Variants in PLAAT4 observed in about 807,000 individuals in gnomAD.
PLAAT4 encodes HRAS-like suppressor 4.
A neutral mutation model predicts 14.1 loss-of-function variants in PLAAT4; 12 were observed. The ratio of observed to expected loss-of-function variants is 0.85; its 90% CI spans 0.54 to 1.37. The LOEUF (loss-of-function observed/expected upper bound fraction) is 1.37. Among genes scored for constraint, PLAAT4 ranks in the 40% most tolerant of loss-of-function variants. PLAAT4 has a pLI of 0.00. For missense variants in PLAAT4, 163 were observed against 211.7 expected (o/e 0.77, Z 1.43); for synonymous variants, 77 against 79.8 (o/e 0.96, Z 0.19).
At chr11:63,543,936 T>C (rs1485086451) in intron 2 of PLAAT4, among the ~76,000 whole-genome samples, 1 of 152,186 alleles carries the variant, frequency 6.6e-6, no homozygotes, top group Non-Finnish European at 1.5e-5. Flanking sequence ...CTAGGACTTT[T>C]CATAGCACAG....
chr11:63,545,602 G>C (rs1173166284), intron 3 of PLAAT4, among the ~76,000 whole-genome samples: 1 of 152,142 alleles, frequency 6.6e-6, no homozygotes, highest in African/African-American at 2.4e-5. Flanking sequence ...AAGGCATGGA[G>C]TTTAGGCTGA....
intron 1 of PLAAT4, among the ~76,000 whole-genome samples, chr11:63,537,150 A>G (rs2017277361): frequency 2.0e-5 from 3 of 152,190 alleles, no homozygotes; most frequent in Non-Finnish European, 4.4e-5. Context: ...GCCGGGTGTC[A>G]AATCTACCTC....
intron 2 of PLAAT4, among the ~76,000 whole-genome samples, chr11:63,540,974 G>A (rs1487390703): frequency 6.6e-6 from 1 of 152,078 alleles, no homozygotes; most frequent in African/African-American, 2.4e-5. Flanking sequence ...ATTGTCACTG[G>A]ACAAAAACCA....
rs2017347217 is a variant in PLAAT4, at chr11:63,544,621, G to GT, written c.120dup (p.Glu41Ter). The GT allele has an allele frequency of 6.2e-7, 1 of 1,610,656 alleles. No homozygotes were observed. The highest frequency in any genetic ancestry group is 1.1e-5 in the South Asian group (1 of 90,988). On this transcript the variant is annotated frameshift_variant and splice_region_variant, in exon 3 of 4. Coordinates refer to ENST00000255688, the MANE Select transcript of PLAAT4 (RefSeq NM_004585.5). LOFTEE classifies it high-confidence loss of function. ...CCAGTGAGAGTGCCTCTGATTGCAG[G>GT]TGAGTACCCCGGGGCTGGCTCCTCC...
intron 3 of PLAAT4, among the ~76,000 whole-genome samples, 157 bp from the exon 4 acceptor site, chr11:63,545,992 G>T (rs1348971664): frequency 6.6e-6 from 1 of 152,114 alleles, no homozygotes; most frequent in Non-Finnish European, 1.5e-5. Context: ...TCTGGGAGAG[G>T]ATTCTGAGCC....
At chr11:63,538,380 G>A in intron 1 of PLAAT4, 1 of 384,108 alleles carries the variant, frequency 2.6e-6, no homozygotes, top group Non-Finnish European at 5.2e-6. Context: ...GGGTTGTGGG[G>A]GTCACAGAGG....
At chr11:63,539,684 G>A (rs536935564) in intron 2 of PLAAT4, 60 bp downstream of exon 2, 65 of 1,325,384 alleles carry the variant, frequency 4.9e-5, no homozygotes, top group East Asian at 3.6e-4. Flanking sequence ...TGAGAGGGCC[G>A]GGCACGGTGG....
intron 3 of PLAAT4, among the ~76,000 whole-genome samples, chr11:63,545,632 G>A (rs1307891786): frequency 6.6e-6 from 1 of 152,138 alleles, no homozygotes; most frequent in Non-Finnish European, 1.5e-5. Flanking sequence ...GGAGATGGAA[G>A]TTTCCAGGCT....
intron 3 of PLAAT4, 61 bp downstream of exon 3, chr11:63,544,950 C>T (rs1407652998): frequency 6.2e-7 from 1 of 1,608,456 alleles, no homozygotes; most frequent in East Asian, 2.2e-5. Flanking sequence ...CGGGGCTGTG[C>T]AGCCAGGCGA....
At position 63,546,252 on chromosome 11, in the gene PLAAT4, C is replaced by T. The variant is rs762426234; in HGVS notation, c.491C>T (p.Ala164Val). Residue 164 changes from alanine (A) to valine (V), a missense_variant, in exon 4 of 4, where the codon GCC becomes GTC. Coordinates refer to ENST00000255688, the MANE Select transcript of PLAAT4 (RefSeq NM_004585.5). ...AGGAGATACCAAAAAAAAGCGACAG[C>T]CTGAAGCAGCCACAAAATCCTGTGT... ...AIRRYQKKAT[A>V] The T allele has an allele frequency of 1.9e-6, 3 of 1,613,838 alleles. No homozygotes were observed. Among genetic ancestry groups the T allele is most frequent in the Admixed American group, 1.7e-5 (1 of 60,014 alleles).
chr11:63,536,874 T>C lies in PLAAT4; in HGVS notation c.6T>C (p.Ala2=). M[A]SPHQEPKPGD... is the part of the protein sequence containing the mutation. Reference sequence around the variant, plus strand: ...GACCTCCTCTTGGCTTCGAGATGGCTTCGGTAAGTTTCCCAGGGCTTTGCA... The same window carrying C: ...GACCTCCTCTTGGCTTCGAGATGGCCTCGGTAAGTTTCCCAGGGCTTTGCA... The change falls in exon 1 of 4, where the codon GCT becomes GCC. Residue 2 remains alanine, a synonymous_variant. Coordinates refer to ENST00000255688, the MANE Select transcript of PLAAT4 (RefSeq NM_004585.5). The C allele has an allele frequency of 6.2e-7, 1 of 1,612,524 alleles. No homozygotes were observed. The highest frequency in any genetic ancestry group is 8.5e-7 in the Non-Finnish European group (1 of 1,179,288).
chr11:63,537,075 C>G (rs2017276511), intron 1 of PLAAT4, among the ~76,000 whole-genome samples, 198 bp downstream of exon 1: 1 of 152,200 alleles, frequency 6.6e-6, no homozygotes, highest in African/African-American at 2.4e-5. Flanking sequence ...CAGAGTCCAC[C>G]TCCTCTGCGT....
At chr11:63,542,534 C>A (rs1404920120) in intron 2 of PLAAT4, among the ~76,000 whole-genome samples, 2 of 152,146 alleles carry the variant, frequency 1.3e-5, no homozygotes, top group Non-Finnish European at 2.9e-5. Flanking sequence ...TGTTCACCTG[C>A]CTATCTTGCC....
At chr11:63,544,507 A>C (rs2017346051) in intron 2 of PLAAT4, 114 bp from the exon 3 acceptor site, 28 of 1,338,518 alleles carry the variant, frequency 2.1e-5, no homozygotes, top group South Asian at 1.4e-5. Flanking sequence ...AAATCTGTGA[A>C]TCCTTCAATC....
intron 3 of PLAAT4, among the ~76,000 whole-genome samples, chr11:63,545,647 T>C (rs1316677824): frequency 6.6e-6 from 1 of 152,038 alleles, no homozygotes; most frequent in African/African-American, 2.4e-5. Context: ...CAGGCTGCAG[T>C]TGGGAATAGT....
intron 1 of PLAAT4, among the ~76,000 whole-genome samples, chr11:63,539,087 G>A (rs1422454520): frequency 2.0e-5 from 3 of 152,184 alleles, no homozygotes; most frequent in Non-Finnish European, 2.9e-5. Flanking sequence ...CAGGAGTGAT[G>A]AGGAACTGAG....
intron 2 of PLAAT4, among the ~76,000 whole-genome samples, chr11:63,541,449 C>G (rs2017320489): frequency 6.6e-6 from 1 of 151,922 alleles, no homozygotes; most frequent in African/African-American, 2.4e-5. Context: ...CTCGGCCTCC[C>G]AAAGTGCTGG....
intron 2 of PLAAT4, among the ~76,000 whole-genome samples, chr11:63,543,682 C>T (rs1011956553): frequency 6.6e-6 from 1 of 152,166 alleles, no homozygotes; most frequent in African/African-American, 2.4e-5. Flanking sequence ...GGTAACACAC[C>T]TAATTATTGT....
At chr11:63,538,584 G>C (rs945069243) in intron 1 of PLAAT4, among the ~76,000 whole-genome samples, 11 of 152,150 alleles carry the variant, frequency 7.2e-5, no homozygotes, top group Admixed American at 5.2e-4. Context: ...GTCACCCACT[G>C]AGGACAGGGA....
Sources: allele counts gnomAD v4.1 joint callset (sites outside exome capture counted in the v4.1 genomes callset), GRCh38; gene constraint gnomAD v4.1.1; transcripts MANE v1.5; gene names NCBI Gene and HGNC (gene_info 2026-07-23, HGNC 2026-07-21).